MMS22L: variants seen among roughly 807,000 people sequenced by gnomAD.
The protein encoded by MMS22L is protein MMS22-like.
MMS22L carries 74 observed loss-of-function variants against 159.1 expected under a neutral mutation model. The ratio of observed to expected loss-of-function variants is 0.47; its 90% CI spans 0.39 to 0.56. The LOEUF (loss-of-function observed/expected upper bound fraction) is 0.56, where lower values mean the gene tolerates loss of function less well. Ranked by LOEUF, MMS22L falls within the 20% of genes least tolerant of loss-of-function variation. The pLI, the probability that MMS22L is intolerant of heterozygous loss-of-function variation, is 0.00. For missense variants in MMS22L, 1,351 were observed against 1,422.1 expected (o/e 0.95, Z 0.80); for synonymous variants, 517 against 506.9 (o/e 1.02, Z -0.27).
chr6:97,161,890 G>T, intron 22 of MMS22L, 112 bp downstream of exon 22: 1 of 985,728 alleles, frequency 1.0e-6, no homozygotes, highest in Non-Finnish European at 1.5e-6. Context: ...CCCATATCAA[G>T]AGATATAAAA....
chr6:97,232,590 T>C (rs988311021), intron 12 of MMS22L, among the ~76,000 whole-genome samples: 1 of 152,092 alleles, frequency 6.6e-6, no homozygotes, highest in African/African-American at 2.4e-5. Flanking sequence ...TTCCTTCAGG[T>C]TGGCTCCTGT....
Position 97,267,839 on chromosome 6 carries a change from A to C in MMS22L, c.828+33T>G, listed in dbSNP as rs371766934. 7.1e-6 allele frequency: 11 copies of C among 1,555,898 alleles called. No individual in the cohort carries two copies. The African/African-American group carries it at 1.4e-4, about 20-fold the overall frequency. ...GCATTAAGGACTGAATACTGTCTTT[A>C]AGTCTCAAAAATACAAACTCTTAAA... On this transcript the variant is annotated intron_variant, in intron 8 of 24. Coordinates refer to ENST00000683635, the MANE Select transcript of MMS22L (RefSeq NM_001350599.2).
At chr6:97,162,296 T>C (rs1276641258) in intron 21 of MMS22L, 131 bp from the exon 22 acceptor site, 1 of 650,972 alleles carries the variant, frequency 1.5e-6, no homozygotes, top group Non-Finnish European at 2.5e-6. Context: ...ATAAAGTATG[T>C]ATATTTTACC....
At chr6:97,223,513 C>T (rs183648842) in intron 14 of MMS22L, among the ~76,000 whole-genome samples, 1 of 152,150 alleles carries the variant, frequency 6.6e-6, no homozygotes, top group Admixed American at 6.5e-5. Flanking sequence ...ATGTTTTTGA[C>T]CCGATAGTAT....
At chr6:97,207,094 C>A (rs1156675572) in intron 14 of MMS22L, among the ~76,000 whole-genome samples, 1 of 152,098 alleles carries the variant, frequency 6.6e-6, no homozygotes, top group Admixed American at 6.6e-5. Flanking sequence ...CTAAAATGTT[C>A]GTGAGAATTC....
chr6:97,161,455 A>G (rs1802426199), intron 22 of MMS22L, among the ~76,000 whole-genome samples: 1 of 151,982 alleles, frequency 6.6e-6, no homozygotes, highest in South Asian at 2.1e-4. Context: ...CTGACCTAAG[A>G]GCTCTATCCC....
chr6:97,187,688 A>T (rs761385768), intron 14 of MMS22L, among the ~76,000 whole-genome samples: 5 of 152,152 alleles, frequency 3.3e-5, no homozygotes, highest in Admixed American at 6.5e-5. Flanking sequence ...AAGTACTTTA[A>T]AAAAGATGTT....
chr6:97,233,415 C>T (rs970891411), intron 12 of MMS22L, among the ~76,000 whole-genome samples: 5 of 152,024 alleles, frequency 3.3e-5, no homozygotes, highest in Admixed American at 1.3e-4. Flanking sequence ...ATACAGATAC[C>T]GGGTTAGATA....
intron 11 of MMS22L, among the ~76,000 whole-genome samples, chr6:97,243,163 A>T (rs984183019): frequency 6.6e-6 from 1 of 152,182 alleles, no homozygotes. Context: ...ATTCCCTCAC[A>T]TAAGTTTTCC....
At chr6:97,217,043 C>G (rs550909704) in intron 14 of MMS22L, among the ~76,000 whole-genome samples, 1 of 152,162 alleles carries the variant, frequency 6.6e-6, no homozygotes, top group East Asian at 1.9e-4. Context: ...TGTTCTTTCT[C>G]CACCCTTATG....
At chr6:97,207,185 T>A (rs1807879219) in intron 14 of MMS22L, among the ~76,000 whole-genome samples, 1 of 152,178 alleles carries the variant, frequency 6.6e-6, no homozygotes, top group African/African-American at 2.4e-5. Context: ...CATTTTTCCA[T>A]AATTGAGTTT....
At chr6:97,153,637 C>T (rs1019036464) in intron 22 of MMS22L, among the ~76,000 whole-genome samples, 3 of 152,196 alleles carry the variant, frequency 2.0e-5, no homozygotes, top group Admixed American at 6.5e-5. Flanking sequence ...TCCCAAATTG[C>T]AGGAATTACA....
intron 11 of MMS22L, among the ~76,000 whole-genome samples, chr6:97,241,996 A>T (rs951078815): frequency 6.6e-6 from 1 of 152,140 alleles, no homozygotes; most frequent in Non-Finnish European, 1.5e-5. Flanking sequence ...ATTTTTTAAA[A>T]ATTATTGAGA....
chr6:97,186,714 T>G, intron 14 of MMS22L, 24 bp from the exon 15 acceptor site: 1 of 1,449,042 alleles, frequency 6.9e-7, no homozygotes, highest in South Asian at 1.5e-5. Context: ...AAAATACAGC[T>G]AACACCCTTA....
chr6:97,225,395 C>T (rs1445416046), intron 14 of MMS22L, among the ~76,000 whole-genome samples: 8 of 150,882 alleles, frequency 5.3e-5, no homozygotes, highest in African/African-American at 1.7e-4. Flanking sequence ...CTTTTTGAGA[C>T]GGAGTCGTGC....
rs1562428245 is a variant in MMS22L, at chr6:97,182,015, G to A, written c.2273C>T (p.Pro758Leu). 6.2e-7 allele frequency: 1 copy of A among 1,613,608 alleles called. No individual in the cohort carries two copies. Among genetic ancestry groups the A allele is most frequent in the East Asian group, 2.2e-5 (1 of 44,852 alleles). ...LLAMDMPSTA[P>L]SDFQPQPVIS... ...AACTGGCTGAGGCTGAAAATCTGAT[G>A]GAGCTGTGCTTGGCATGTCCATTGC... is the stretch of plus-strand genomic sequence containing the variant. The change falls in exon 16 of 25, where the codon CCA becomes CTA. Residue 758 changes from proline to leucine, a missense_variant. Coordinates refer to ENST00000683635, the MANE Select transcript of MMS22L (RefSeq NM_001350599.2).
At chr6:97,181,826 T>C (rs1804742668) in intron 16 of MMS22L, 78 bp downstream of exon 16, 4 of 1,474,884 alleles carry the variant, frequency 2.7e-6, no homozygotes, top group Non-Finnish European at 3.6e-6. Flanking sequence ...TCCTCATTTG[T>C]GAAAATTCTT....
At chr6:97,234,033 C>A in intron 11 of MMS22L, 53 bp from the exon 12 acceptor site, 1 of 1,568,800 alleles carries the variant, frequency 6.4e-7, no homozygotes, top group South Asian at 1.2e-5. Flanking sequence ...GCAATATAAA[C>A]ATTTTCACTT....
At chr6:97,241,850 T>A (rs186551563) in intron 11 of MMS22L, among the ~76,000 whole-genome samples, 3 of 152,364 alleles carry the variant, frequency 2.0e-5, no homozygotes, top group South Asian at 2.1e-4. Context: ...CTATTTTGAT[T>A]TCATTATTGA....
Sources: allele counts gnomAD v4.1 joint callset (sites outside exome capture counted in the v4.1 genomes callset), GRCh38; gene constraint gnomAD v4.1.1; transcripts MANE v1.5; gene names NCBI Gene and HGNC (gene_info 2026-07-23, HGNC 2026-07-21).